Variants in MILR1 observed in about 807,000 individuals in gnomAD.
The protein encoded by MILR1 is allergin-1.
A neutral mutation model predicts 18.5 loss-of-function variants in MILR1; 31 were observed. The observed-to-expected ratio is 1.68, with a 90% CI of 1.26 to 2.26. MILR1 has a LOEUF of 2.26. MILR1 is among the 30% of genes most tolerant of loss of function. MILR1 has a pLI of 0.00. For missense variants in MILR1, 257 were observed against 157.4 expected, an observed-to-expected ratio of 1.63 and a Z score of -3.38; for synonymous variants, 85 against 56.2, an observed-to-expected ratio of 1.51 and a Z score of -2.30.
chr17:64,473,934 T>C, the MILR1 span, among the ~76,000 whole-genome samples: 1 of 152,178 alleles, frequency 6.6e-6, no homozygotes, highest in African/African-American at 2.4e-5. Flanking sequence ...AATTTGTACA[T>C]TTAAAAGAGG....
the MILR1 span, chr17:64,477,745 G>A: frequency 7.1e-7 from 1 of 1,409,230 alleles, no homozygotes; most frequent in Non-Finnish European, 9.4e-7. Context: ...TAAGTGCAAA[G>A]GGGCTAGAAA....
the MILR1 span, chr17:64,477,746 G>C: frequency 7.1e-7 from 1 of 1,409,140 alleles, no homozygotes; most frequent in Non-Finnish European, 9.4e-7. Context: ...AAGTGCAAAG[G>C]GGCTAGAAAT....
At chr17:64,491,260 A>C in the MILR1 span, among the ~76,000 whole-genome samples, 3 of 152,152 alleles carry the variant, frequency 2.0e-5, no homozygotes, top group African/African-American at 7.2e-5. Flanking sequence ...CAGGATTCAG[A>C]GTAGCTGGGA....
intron 2 of MILR1, among the ~76,000 whole-genome samples, chr17:64,452,325 C>T: frequency 6.6e-6 from 1 of 152,200 alleles, no homozygotes; most frequent in East Asian, 1.9e-4. Flanking sequence ...ATGATCTTGG[C>T]TCACTGCAAC....
chr17:64,465,424 A>C, intron 5 of MILR1, 28 bp from the exon 6 acceptor site: 1 of 1,516,508 alleles, frequency 6.6e-7, no homozygotes, highest in Non-Finnish European at 9.1e-7. Context: ...AATTGGTTTA[A>C]TTTGATGATT....
At chr17:64,461,018 A>C (rs975373982) in intron 5 of MILR1, 86 bp downstream of exon 5, 9 of 451,280 alleles carry the variant, frequency 2.0e-5, no homozygotes, top group African/African-American at 1.8e-4. Flanking sequence ...GAAAGAGAAA[A>C]GGGGATTGGA....
intron 6 of MILR1, among the ~76,000 whole-genome samples, chr17:64,466,157 A>C (rs2037554512): frequency 6.6e-6 from 1 of 152,200 alleles, no homozygotes; most frequent in Non-Finnish European, 1.5e-5. Flanking sequence ...TTATAAAACC[A>C]TCAGATCTTG....
chr17:64,456,169 G>A (rs2037296559), intron 3 of MILR1, among the ~76,000 whole-genome samples: 2 of 152,210 alleles, frequency 1.3e-5, no homozygotes, highest in South Asian at 2.1e-4. Flanking sequence ...AAGCACAGTT[G>A]GTTCATCTGT....
chr17:64,453,480 T>C (rs2037220118), intron 3 of MILR1, among the ~76,000 whole-genome samples: 1 of 151,280 alleles, frequency 6.6e-6, no homozygotes, highest in African/African-American at 2.4e-5. Flanking sequence ...ACAATAATTG[T>C]GGAGGTCTTT....
intron 9 of MILR1, chr17:64,468,032 A>G (rs2037618730): frequency 3.0e-6 from 1 of 337,632 alleles, no homozygotes; most frequent in Admixed American, 4.3e-5. Flanking sequence ...GTGTGCCTTG[A>G]TGTGCTGCCA....
rs752309233 is a variant in MILR1 at position 64,468,578 on chromosome 17, C to T, written c.*297C>T. On this transcript the variant is annotated 3_prime_UTR_variant, in exon 10 of 10. Coordinates refer to ENST00000619286, the MANE Select transcript of MILR1 (RefSeq NM_001085423.2). ...TGCTGGAACTACAAGCCTGAGCCAC[C>T]GTGCCCGGCCCTGAATCGCTTTAGT... The T allele has an allele frequency of 3.2e-5, 37 of 1,149,718 alleles. No homozygotes were observed. The highest frequency in any genetic ancestry group is 8.0e-4 in the Middle Eastern group (2 of 2,496). The allele number at this position is 1,149,718 out of a possible 1,614,324, so 71.2% of individuals were successfully genotyped here. A position where few individuals can be genotyped will look rare whatever the true frequency, so the allele number is the denominator to read the frequency against.
the MILR1 span, among the ~76,000 whole-genome samples, chr17:64,478,853 C>T: frequency 1.6e-4 from 25 of 152,092 alleles, no homozygotes; most frequent in African/African-American, 5.5e-4. Context: ...GCCGAGATCA[C>T]GCCATTGCAC....
chr17:64,467,773 A>T, intron 9 of MILR1, 128 bp downstream of exon 9: 2 of 536,186 alleles, frequency 3.7e-6, no homozygotes, highest in South Asian at 3.9e-5. Flanking sequence ...CATCTCTACT[A>T]AAAATACAAA....
intron 3 of MILR1, among the ~76,000 whole-genome samples, chr17:64,453,380 C>G (rs2037218219): frequency 1.3e-5 from 2 of 151,978 alleles, no homozygotes; most frequent in African/African-American, 4.8e-5. Context: ...GTTCTCTATT[C>G]TTAATCATTC....
chr17:64,472,942 G>A (rs1315375580), downstream of MILR1, among the ~76,000 whole-genome samples: 2 of 152,172 alleles, frequency 1.3e-5, no homozygotes, highest in African/African-American at 4.8e-5. Flanking sequence ...CATCTGCAGG[G>A]TAACACCAGG....
the MILR1 span, chr17:64,490,356 G>A: frequency 1.5e-5 from 3 of 206,250 alleles, no homozygotes; most frequent in Middle Eastern, 2.0e-3. Flanking sequence ...GAGCTTCTCA[G>A]TACTACCACT....
the MILR1 span, among the ~76,000 whole-genome samples, chr17:64,488,421 A>G: frequency 6.6e-6 from 1 of 151,982 alleles, no homozygotes; most frequent in Non-Finnish European, 1.5e-5. Context: ...GAACAAAATA[A>G]TCTGGGCATG....
chr17:64,481,835 A>G, the MILR1 span, among the ~76,000 whole-genome samples: 2 of 151,970 alleles, frequency 1.3e-5, no homozygotes, highest in Non-Finnish European at 2.9e-5. Context: ...AGATCGTGCC[A>G]CTGCACTCCA....
chr17:64,486,574 GGTT>G, the MILR1 span, among the ~76,000 whole-genome samples: 1 of 152,232 alleles, frequency 6.6e-6, no homozygotes, highest in South Asian at 2.1e-4. Context: ...ATGTTGGCCA[GGTT>G]GTTCTCAAAC....
Sources: allele counts gnomAD v4.1 joint callset (sites outside exome capture counted in the v4.1 genomes callset), GRCh38; gene constraint gnomAD v4.1.1; transcripts MANE v1.5; gene names NCBI Gene and HGNC (gene_info 2026-07-23, HGNC 2026-07-21).